BACH2: variants seen among roughly 807,000 people sequenced by gnomAD.
The protein encoded by BACH2 is transcription regulator protein BACH2.
A neutral mutation model predicts 61.8 loss-of-function variants in BACH2; 5 were observed. The observed-to-expected ratio is 0.08, with a 90% CI of 0.04 to 0.17. The LOEUF is 0.17. Among genes scored for constraint, BACH2 ranks in the 10% least tolerant of loss-of-function variants. The pLI is 1.00. For synonymous variants in BACH2, 446 were observed against 440.1 expected (o/e 1.01, Z -0.17); for missense variants, 824 against 1,091.1 (o/e 0.76, Z 3.45).
intron 8 of BACH2, among the ~76,000 whole-genome samples, chr6:89,934,732 G>A (rs373312781): frequency 6.6e-6 from 1 of 152,146 alleles, no homozygotes; most frequent in East Asian, 1.9e-4. Flanking sequence ...CAATGAAGTG[G>A]ATGAAGAAAA....
At chr6:90,204,533 A>G (rs1401923138) in intron 4 of BACH2, among the ~76,000 whole-genome samples, 1 of 152,168 alleles carries the variant, frequency 6.6e-6, no homozygotes, top group Non-Finnish European at 1.5e-5. Flanking sequence ...GGCAGAACAT[A>G]ATATCCCAAG....
chr6:90,060,246 T>G (rs954725078), intron 5 of BACH2, among the ~76,000 whole-genome samples: 1 of 152,146 alleles, frequency 6.6e-6, no homozygotes, highest in Non-Finnish European at 1.5e-5. Context: ...TCATCTCCAT[T>G]CTGCATATTT....
At chr6:90,160,908 G>A (rs1009053668) in intron 4 of BACH2, among the ~76,000 whole-genome samples, 1 of 152,076 alleles carries the variant, frequency 6.6e-6, no homozygotes, top group Non-Finnish European at 1.5e-5. Context: ...GGCCAACATG[G>A]TGAAACCCCA....
intron 5 of BACH2, among the ~76,000 whole-genome samples, chr6:90,060,199 A>G (rs1189126737): frequency 6.6e-6 from 1 of 151,936 alleles, no homozygotes; most frequent in Non-Finnish European, 1.5e-5. Flanking sequence ...TTAAAAAAAA[A>G]GAAAAATTCT....
In BACH2 at chr6:90,078,565, G is replaced by A. The variant is rs76823532; in HGVS notation, c.-13+10396C>T. The stretch of plus-strand genomic sequence containing the variant: ...CAAAATTTGTACTCCAAGAATAGAG[G>A]AGAACTCCCAAATGCTCTCAAATTC... On this transcript the variant is annotated intron_variant, in intron 5 of 8. Transcript: ENST00000257749. 5.8e-3 allele frequency among the ~76,000 whole-genome samples: 878 copies of A among 152,198 alleles called. 50 individuals are homozygous for A. In the East Asian group the frequency reaches 0.13, roughly 23 times the overall value.
intron 6 of BACH2, among the ~76,000 whole-genome samples, chr6:89,994,316 C>A (rs1776733921): frequency 6.6e-6 from 1 of 152,112 alleles, no homozygotes; most frequent in Non-Finnish European, 1.5e-5. Context: ...CGAGTTATTT[C>A]CACTGAAAAT....
chr6:90,126,649 A>C (rs1783863177), intron 4 of BACH2, among the ~76,000 whole-genome samples: 1 of 152,244 alleles, frequency 6.6e-6, no homozygotes, highest in Admixed American at 6.5e-5. Flanking sequence ...ACTGAGAAGC[A>C]TCTCTCTCTA....
chr6:90,154,191 A>G (rs1394437988), intron 4 of BACH2, among the ~76,000 whole-genome samples: 2 of 152,196 alleles, frequency 1.3e-5, no homozygotes, highest in Non-Finnish European at 2.9e-5. Flanking sequence ...GTAGAATTGC[A>G]GGTTCCATTG....
At chr6:90,273,679 C>A (rs572395165) in intron 1 of BACH2, among the ~76,000 whole-genome samples, 1 of 152,304 alleles carries the variant, frequency 6.6e-6, no homozygotes, top group South Asian at 2.1e-4. Context: ...AGTGGGAAAT[C>A]TGAGTACTTC....
intron 3 of BACH2, among the ~76,000 whole-genome samples, chr6:90,244,060 A>G (rs1582525848): frequency 6.6e-6 from 1 of 152,034 alleles, no homozygotes; most frequent in Non-Finnish European, 1.5e-5. Context: ...TAGCTGGGAT[A>G]ACAGGCATGT....
intron 6 of BACH2, among the ~76,000 whole-genome samples, chr6:89,959,479 C>G (rs9362707): frequency 2.6e-5 from 4 of 151,778 alleles, no homozygotes; most frequent in African/African-American, 9.7e-5. Flanking sequence ...CAGGGTTTTC[C>G]GAAATGTACT....
chr6:90,219,822 G>A (rs1484023413), intron 3 of BACH2, among the ~76,000 whole-genome samples: 5 of 151,316 alleles, frequency 3.3e-5, no homozygotes, highest in South Asian at 2.1e-4. Context: ...ACACGCTCCC[G>A]AAGTTTGCCT....
intron 5 of BACH2, among the ~76,000 whole-genome samples, chr6:90,024,971 G>T (rs749517239): frequency 2.0e-5 from 3 of 152,172 alleles, no homozygotes; most frequent in Non-Finnish European, 4.4e-5. Flanking sequence ...GGAATTAAGC[G>T]GGGTGTCCAT....
chr6:90,168,056 G>A (rs1013709543), intron 4 of BACH2, among the ~76,000 whole-genome samples: 2 of 152,146 alleles, frequency 1.3e-5, no homozygotes, highest in Non-Finnish European at 2.9e-5. Context: ...TGACCACACC[G>A]CTGATTATAA....
intron 5 of BACH2, among the ~76,000 whole-genome samples, chr6:90,060,875 C>T (rs189224142): frequency 6.6e-6 from 1 of 152,164 alleles, no homozygotes; most frequent in Non-Finnish European, 1.5e-5. Context: ...CCCACATGAC[C>T]GTCACACACA....
chr6:89,988,061 C>A (rs1776340501), intron 6 of BACH2, among the ~76,000 whole-genome samples: 1 of 152,166 alleles, frequency 6.6e-6, no homozygotes, highest in African/African-American at 2.4e-5. Context: ...AACCAGTTTG[C>A]TGAGATCATG....
chr6:90,295,690 C>G (rs905566444), intron 1 of BACH2, among the ~76,000 whole-genome samples: 8 of 147,138 alleles, frequency 5.4e-5, no homozygotes, highest in South Asian at 2.1e-4. Flanking sequence ...TGTGTTGCAC[C>G]TTGACTTCAT....
chr6:90,127,827 C>T (rs944076771), intron 4 of BACH2, among the ~76,000 whole-genome samples: 3 of 152,244 alleles, frequency 2.0e-5, no homozygotes, highest in Non-Finnish European at 4.4e-5. Flanking sequence ...TGAGAAGTCA[C>T]GGGACTTGAA....
At chr6:90,141,057 A>G (rs1378426557) in intron 4 of BACH2, among the ~76,000 whole-genome samples, 1 of 152,234 alleles carries the variant, frequency 6.6e-6, no homozygotes, top group South Asian at 2.1e-4. Flanking sequence ...ATTCTAGTGC[A>G]GCCATTACAA....
Sources: gnomAD v4.1 joint callset for allele counts (sites outside exome capture counted in the v4.1 genomes callset) on GRCh38, gnomAD v4.1.1 for gene constraint, MANE v1.5 for transcripts, NCBI Gene and HGNC (gene_info 2026-07-23, HGNC 2026-07-21) for gene names.